BRD4: variants seen among roughly 807,000 people sequenced by gnomAD.
The protein encoded by BRD4 is bromodomain containing 4.
In BRD4, 16 loss-of-function variants were observed where a neutral mutation model predicts 142.1. The ratio of observed to expected loss-of-function variants is 0.11; its 90% CI spans 0.08 to 0.17. The LOEUF is 0.17. Among genes scored for constraint, BRD4 ranks in the 10% least tolerant of loss-of-function variants. The probability of loss-of-function intolerance (pLI) is 1.00; values close to 1 mark genes in which losing one functional copy is unlikely to be tolerated. For missense variants in BRD4, 1,424 were observed against 1,810.9 expected (o/e 0.79, Z 3.88); for synonymous variants, 833 against 707.5 (o/e 1.18, Z -2.82).
chr19:15,311,301 C>CA (rs540492947), intron 1 of BRD4, among the ~76,000 whole-genome samples: 13 of 149,828 alleles, frequency 8.7e-5, no homozygotes, highest in Admixed American at 4.0e-4. Context: ...CAAAAAAAAA[C>CA]AAAAAAACAA....
At chr19:15,253,538 G>A (rs958016969) in intron 11 of BRD4, 18 of 1,541,658 alleles carry the variant, frequency 1.2e-5, no homozygotes, top group Admixed American at 1.2e-4. Context: ...GTCCAGGTGC[G>A]TGTGGAGTTA....
chr19:15,271,933 ACACACCAG>A (rs2047592132), intron 2 of BRD4, among the ~76,000 whole-genome samples: 1 of 150,030 alleles, frequency 6.7e-6, no homozygotes, highest in African/African-American at 2.5e-5. Context: ...TCTGGTGTGC[ACACACCAG>A]TGGCTCTGGT....
In BRD4 at chr19:15,237,714, C is replaced by G. The variant is rs190600735; in HGVS notation, c.*663G>C. The G allele has an allele frequency of 2.6e-3, 608 of 232,968 alleles. 6 individuals are homozygous for G. Among genetic ancestry groups the G allele is most frequent in the African/African-American group, 0.012 (564 of 45,434 alleles). 14.4% of individuals were successfully genotyped at this position (232,968 alleles called of 1,614,324 possible). On this transcript the variant is annotated 3_prime_UTR_variant, in exon 20 of 20. Transcript: ENST00000679869. ...TCACTCCCCGGCCGAGGGCTACCCA[C>G]GCAGGACAGTCGCCTCGCTCCGGAT...
At chr19:15,284,627 T>A (rs900393547) in intron 1 of BRD4, among the ~76,000 whole-genome samples, 3 of 152,186 alleles carry the variant, frequency 2.0e-5, no homozygotes, top group African/African-American at 7.2e-5. Context: ...GCCACCCAGA[T>A]AACCCATTCC....
intron 1 of BRD4, among the ~76,000 whole-genome samples, chr19:15,308,317 G>A (rs1311981239): frequency 2.0e-5 from 3 of 151,502 alleles, no homozygotes; most frequent in Non-Finnish European, 2.9e-5. Context: ...GGCTGGGCGC[G>A]GTGGCTCACC....
chr19:15,254,295 G>A (rs1259748634), intron 10 of BRD4, 33 bp from the exon 11 acceptor site: 1 of 1,588,458 alleles, frequency 6.3e-7, no homozygotes, highest in Non-Finnish European at 8.6e-7. Flanking sequence ...TGGTCAGGCA[G>A]GGCTGTGGCC....
Position 15,238,862 on chromosome 19 carries a change from C to CTTGCTG in BRD4, c.3895_3900dup (p.Gln1299_Gln1300dup). 2.5e-6 allele frequency: 4 copies of CTTGCTG among 1,601,280 alleles called. No individual in the cohort carries two copies. Among genetic ancestry groups the CTTGCTG allele is most frequent in the East Asian group, 4.5e-5 (2 of 44,376 alleles). On this transcript the variant is annotated inframe_insertion, in exon 19 of 20. Transcript: ENST00000679869. This position sits in a 1 kb window ranked among gnomAD's most constrained non-coding sequence, Gnocchi z 7.2. ...GTGGCGGCGGCAGCCACCGCAGCTG[C>CTTGCTG]TTGCTGTTGCTGCTGCTGCTGTTGC...
chr19:15,241,065 C>G (rs941709986), intron 14 of BRD4, among the ~76,000 whole-genome samples: 2 of 152,248 alleles, frequency 1.3e-5, no homozygotes, highest in Non-Finnish European at 2.9e-5. Flanking sequence ...CCACTCCTAA[C>G]GCCAGAAGAC....
intron 10 of BRD4, 27 bp downstream of exon 10, chr19:15,255,270 C>T (rs763486475): frequency 3.1e-6 from 5 of 1,595,406 alleles, no homozygotes; most frequent in Non-Finnish European, 4.3e-6. Context: ...ACAGAAGGAA[C>T]CCCATGCCCA....
intron 1 of BRD4, among the ~76,000 whole-genome samples, chr19:15,312,800 G>T (rs1447568798): frequency 6.6e-6 from 1 of 151,488 alleles, no homozygotes; most frequent in Non-Finnish European, 1.5e-5. Flanking sequence ...CCGGGCGTGG[G>T]GGCGCGTGCC....
intron 1 of BRD4, among the ~76,000 whole-genome samples, chr19:15,321,467 T>C (rs2048061104): frequency 6.6e-6 from 1 of 151,806 alleles, no homozygotes. Context: ...ATTCCCATTC[T>C]GCACATGGTC....
At chr19:15,311,875 G>A (rs1429681916) in intron 1 of BRD4, among the ~76,000 whole-genome samples, 3 of 152,168 alleles carry the variant, frequency 2.0e-5, no homozygotes, top group Non-Finnish European at 4.4e-5. Context: ...AACTATGGTA[G>A]TCAAACTCAT....
At chr19:15,294,932 T>A (rs566322885) in intron 1 of BRD4, among the ~76,000 whole-genome samples, 2 of 152,286 alleles carry the variant, frequency 1.3e-5, no homozygotes, top group East Asian at 3.9e-4. Flanking sequence ...AGAACATGAC[T>A]AACTCCAAAA....
intron 1 of BRD4, among the ~76,000 whole-genome samples, chr19:15,293,402 G>A (rs190015371): frequency 1.3e-5 from 2 of 152,170 alleles, no homozygotes; most frequent in East Asian, 3.9e-4. Flanking sequence ...CCATTAAAAG[G>A]AGAGTAGCAG....
intron 4 of BRD4, among the ~76,000 whole-genome samples, chr19:15,267,042 T>TAA (rs1568389718): frequency 6.6e-6 from 1 of 152,176 alleles, no homozygotes; most frequent in African/African-American, 2.4e-5. Context: ...AGAACTGAGA[T>TAA]GTTAGTTAAA....
intron 11 of BRD4, among the ~76,000 whole-genome samples, chr19:15,251,457 G>A (rs1175763146): frequency 2.6e-5 from 1 of 38,824 alleles, no homozygotes; most frequent in Non-Finnish European, 5.4e-5. Flanking sequence ...GGGGGGGGGC[G>A]GGGGCGCGGG....
At chr19:15,308,648 A>T (rs2047938911) in intron 1 of BRD4, among the ~76,000 whole-genome samples, 1 of 151,908 alleles carries the variant, frequency 6.6e-6, no homozygotes, top group Admixed American at 6.6e-5. Flanking sequence ...CAAAAATAAA[A>T]ATTTGTAAGA....
Position 15,257,119 on chromosome 19 carries a change from C to T in BRD4, c.1396G>A (p.Val466Met), listed in dbSNP as rs201855172. 1.7e-5 allele frequency: 27 copies of T among 1,609,402 alleles called. No individual in the cohort carries two copies. The highest frequency in any genetic ancestry group is 2.1e-5 in the Non-Finnish European group (25 of 1,179,628). ...GGCACTGCCGGGGAGGACACGGCCA[C>T]CACTGGCTCCTCAGGCTCGTCCGGC... ...KMPDEPEEPV[V>M]AVSSPAVPPP... Residue 466 changes from valine (V) to methionine (M), a missense_variant, in exon 8 of 20, where the codon GTG becomes ATG. By Grantham distance (21) the Val-to-Met change is conservative (BLOSUM62 1). Transcript: ENST00000679869.
chr19:15,280,919 C>T (rs1290815222), intron 1 of BRD4, among the ~76,000 whole-genome samples: 2 of 152,212 alleles, frequency 1.3e-5, no homozygotes, highest in African/African-American at 4.8e-5. Flanking sequence ...TTATCTTGTC[C>T]TAGAAACATC....
Sources: gnomAD v4.1 joint callset for allele counts (sites outside exome capture counted in the v4.1 genomes callset) on GRCh38, gnomAD v4.1.1 for gene constraint, Gnocchi (gnomAD v3.1) non-coding constraint, MANE v1.5 for transcripts, NCBI Gene and HGNC (gene_info 2026-07-23, HGNC 2026-07-21) for gene names.